Variants in TDP1 observed in about 807,000 individuals in gnomAD.
The protein encoded by TDP1 is tyrosyl-DNA phosphodiesterase 1, also known as tyr-DNA phosphodiesterase 1.
A neutral mutation model predicts 81.5 loss-of-function variants in TDP1; 64 were observed. That is an observed-to-expected ratio of 0.79 (90% CI 0.64 to 0.97). The LOEUF (loss-of-function observed/expected upper bound fraction) is 0.97. Ranked by LOEUF, TDP1 falls within the 50% of genes least tolerant of loss-of-function variation. TDP1 has a pLI of 0.00. For missense variants in TDP1, 723 were observed against 743.8 expected, an observed-to-expected ratio of 0.97 and a Z score of 0.33; for synonymous variants, 256 against 264.3, an observed-to-expected ratio of 0.97 and a Z score of 0.30.
chr14:89,959,000 T>C (rs969761237), intron 2 of TDP1, among the ~76,000 whole-genome samples: 4 of 152,262 alleles, frequency 2.6e-5, no homozygotes, highest in African/African-American at 9.6e-5. Context: ...CTGCTATTTG[T>C]TCAAAATCAA....
chr14:89,955,399 T>C (rs1891459125), upstream of TDP1: 1 of 152,194 alleles, frequency 6.6e-6, no homozygotes, highest in Admixed American at 6.5e-5. Flanking sequence ...CAAACATCCT[T>C]ATTAAAGGCA....
chr14:90,017,803 A>G (rs1301356276), intron 14 of TDP1, among the ~76,000 whole-genome samples: 2 of 152,210 alleles, frequency 1.3e-5, no homozygotes, highest in Non-Finnish European at 2.9e-5. Context: ...ACTTTTAAAA[A>G]AAGTTTTTTT....
chr14:90,024,905 T>C (rs2140290434), intron 15 of TDP1, among the ~76,000 whole-genome samples: 2 of 152,306 alleles, frequency 1.3e-5, no homozygotes, highest in South Asian at 4.1e-4. Context: ...CCAAATAGAC[T>C]TACTTAATAC....
intron 6 of TDP1, among the ~76,000 whole-genome samples, chr14:89,971,540 C>G (rs1893667734): frequency 6.6e-6 from 1 of 152,330 alleles, no homozygotes; most frequent in Middle Eastern, 3.4e-3. Context: ...TCTGGAGCCA[C>G]ACAGAATAAG....
upstream of TDP1, chr14:89,955,567 AC>A (rs920797732): frequency 6.6e-6 from 1 of 152,264 alleles, no homozygotes; most frequent in Non-Finnish European, 1.5e-5. Context: ...CTCCCAGGAC[AC>A]AGGTCTCCTT....
intron 15 of TDP1, among the ~76,000 whole-genome samples, chr14:90,026,620 C>T (rs956054912): frequency 6.6e-6 from 1 of 152,174 alleles, no homozygotes; most frequent in African/African-American, 2.4e-5. Context: ...TCCCCCTGCC[C>T]CACGACAGGC....
chr14:89,966,910 G>A (rs1481442130), intron 4 of TDP1: 1 of 816,696 alleles, frequency 1.2e-6, no homozygotes, highest in African/African-American at 1.9e-5. Flanking sequence ...CTGGTCCCAG[G>A]TGGCTGTGTA....
At chr14:89,955,643 C>T (rs1891477487), upstream of TDP1, 1 of 152,344 alleles carries the variant, frequency 6.6e-6, no homozygotes, top group African/African-American at 2.4e-5. Flanking sequence ...GCATGGAGCC[C>T]TGGGAGCCTG....
intron 12 of TDP1, chr14:89,991,631 C>G: frequency 1.0e-6 from 1 of 984,880 alleles, no homozygotes; most frequent in Non-Finnish European, 1.2e-6. Context: ...AAAGGCATCC[C>G]ATGACTATAC....
chr14:89,995,771 C>G (rs1225531666), intron 14 of TDP1, among the ~76,000 whole-genome samples: 1 of 152,156 alleles, frequency 6.6e-6, no homozygotes, highest in African/African-American at 2.4e-5. Flanking sequence ...TCTTCTTTGC[C>G]CTTGTGGCAC....
intron 15 of TDP1, among the ~76,000 whole-genome samples, chr14:90,023,303 A>G (rs1345302908): frequency 1.3e-5 from 2 of 152,162 alleles, no homozygotes; most frequent in African/African-American, 2.4e-5. Context: ...AGACAGAGAT[A>G]ATAGTGCAGG....
Position 89,962,702 on chromosome 14 carries a change from C to CA in TDP1, c.-7-397dup, listed in dbSNP as rs1365651499. ...AACAATAATGAAACCCTGTCTCTACCAAAAAAAAAGAAAAAAAAAATTAGC... is the reference window on the plus strand; with the variant it reads ...AACAATAATGAAACCCTGTCTCTACCAAAAAAAAAAGAAAAAAAAAATTAGC... On this transcript the variant is annotated intron_variant, in intron 2 of 16. Coordinates refer to ENST00000335725, the MANE Select transcript of TDP1 (RefSeq NM_018319.4). 4.6e-3 allele frequency among the ~76,000 whole-genome samples: 660 copies of CA among 144,584 alleles called. 2 individuals carry two copies. The highest frequency in any genetic ancestry group is 6.7e-3 in the Admixed American group (98 of 14,724). 94.9% of individuals were successfully genotyped at this position (144,584 alleles called of 152,430 possible). A position where few individuals can be genotyped will look rare whatever the true frequency, so the allele number is the denominator to read the frequency against.
chr14:90,041,499 A>G (rs984397491), intron 16 of TDP1, among the ~76,000 whole-genome samples: 3 of 152,204 alleles, frequency 2.0e-5, no homozygotes, highest in Admixed American at 2.0e-4. Flanking sequence ...ATGGCTCTGA[A>G]CAAACCGTGA....
chr14:90,004,648 T>C (rs571660490), intron 14 of TDP1, among the ~76,000 whole-genome samples: 13 of 152,226 alleles, frequency 8.5e-5, no homozygotes, highest in Non-Finnish European at 1.5e-4. Flanking sequence ...GTTTTAGTTA[T>C]AGATGATGGA....
intron 8 of TDP1, among the ~76,000 whole-genome samples, chr14:89,981,990 A>T (rs542040791): frequency 2.0e-5 from 3 of 152,256 alleles, no homozygotes; most frequent in Admixed American, 2.0e-4. Flanking sequence ...GAGCTGAAAT[A>T]GCTTTCCAGT....
In TDP1 at chr14:89,964,828, A is replaced by G. The variant is rs117708351; in HGVS notation, c.559+1155A>G. The G allele has an allele frequency of 7.8e-3, 3,401 of 433,892 alleles. 26 individuals are homozygous for G. Among genetic ancestry groups the G allele is most frequent in the Non-Finnish European group, 0.011 (2,310 of 218,612 alleles). 26.9% of individuals were successfully genotyped at this position (433,892 alleles called of 1,614,324 possible). A position where few individuals can be genotyped will look rare whatever the true frequency, so the allele number is the denominator to read the frequency against. ...GGTAACATGATAGGAGCTCTTACAT[A>G]TATTTTCTCCTTTAATCCTCAGGAC... On this transcript the variant is annotated intron_variant, in intron 3 of 16. Coordinates refer to ENST00000335725, the MANE Select transcript of TDP1 (RefSeq NM_018319.4).
chr14:89,970,957 G>A (rs1893559730), intron 5 of TDP1: 1 of 189,542 alleles, frequency 5.3e-6, no homozygotes, highest in Non-Finnish European at 9.8e-6. Context: ...TCATGCCTCA[G>A]CCCCAGAGTA....
At chr14:90,016,863 C>T (rs1885372123) in intron 14 of TDP1, among the ~76,000 whole-genome samples, 1 of 152,146 alleles carries the variant, frequency 6.6e-6, no homozygotes, top group South Asian at 2.1e-4. Context: ...GATGGTAGAC[C>T]ATGGGACCTC....
intron 15 of TDP1, among the ~76,000 whole-genome samples, chr14:90,028,959 A>G (rs1286595506): frequency 1.3e-5 from 2 of 152,182 alleles, no homozygotes; most frequent in African/African-American, 4.8e-5. Context: ...CCATAAAAGT[A>G]TAATAATCAT....
Sources: gnomAD v4.1 joint callset for allele counts (sites outside exome capture counted in the v4.1 genomes callset) on GRCh38, gnomAD v4.1.1 for gene constraint, MANE v1.5 for transcripts, NCBI Gene and HGNC (gene_info 2026-07-23, HGNC 2026-07-21) for gene names.